The following ARK2C variants were observed in gnomAD, a reference collection of about 807,000 sequenced individuals.
ARK2C encodes the protein E3 ubiquitin-protein ligase ARK2C.
At chr18:46,384,542 C>T in the ARK2C span, among the ~76,000 whole-genome samples, 1 of 152,222 alleles carries the variant, frequency 6.6e-6, no homozygotes, top group East Asian at 1.9e-4. Flanking sequence ...ATGATACACA[C>T]ACCACTTCCA....
chr18:46,335,364 T>A, the ARK2C span: 1 of 152,106 alleles, frequency 6.6e-6, no homozygotes, highest in South Asian at 2.1e-4. Flanking sequence ...AATAGCTTGA[T>A]TTTCCCCTCT....
chr18:46,412,733 A>G, the ARK2C span, among the ~76,000 whole-genome samples: 1 of 152,286 alleles, frequency 6.6e-6, no homozygotes, highest in Admixed American at 6.5e-5. Context: ...AACTCTTAGA[A>G]AATGACAAGG....
chr18:46,450,354 G>A, the ARK2C span: 3 of 1,614,102 alleles, frequency 1.9e-6, no homozygotes, highest in East Asian at 6.7e-5. Flanking sequence ...GCTCTCCAGG[G>A]ACTAAATCCC....
chr18:46,348,231 G>C, the ARK2C span, among the ~76,000 whole-genome samples: 5 of 147,852 alleles, frequency 3.4e-5, no homozygotes, highest in Non-Finnish European at 7.4e-5. Flanking sequence ...CAAGGGGCTG[G>C]GGGGGGTGAG....
chr18:46,420,926 A>G, the ARK2C span, among the ~76,000 whole-genome samples: 1 of 152,228 alleles, frequency 6.6e-6, no homozygotes, highest in Non-Finnish European at 1.5e-5. Context: ...TGTTAAAAAT[A>G]TAATAGTAGG....
At chr18:46,342,774 T>C in the ARK2C span, among the ~76,000 whole-genome samples, 3 of 152,330 alleles carry the variant, frequency 2.0e-5, no homozygotes, top group East Asian at 1.9e-4. Flanking sequence ...ATGGAGATGA[T>C]AGAATCACAT....
chr18:46,344,873 T>C, the ARK2C span, among the ~76,000 whole-genome samples: 1 of 152,266 alleles, frequency 6.6e-6, no homozygotes, highest in South Asian at 2.1e-4. Context: ...CTTGGCTTGG[T>C]TCTGTCAGCA....
At chr18:46,422,976 C>T in the ARK2C span, among the ~76,000 whole-genome samples, 1 of 152,238 alleles carries the variant, frequency 6.6e-6, no homozygotes. Context: ...CCCAGATTCT[C>T]CAACTGTTCC....
At chr18:46,374,083 C>G in the ARK2C span, among the ~76,000 whole-genome samples, 2 of 152,106 alleles carry the variant, frequency 1.3e-5, no homozygotes, top group African/African-American at 2.4e-5. Flanking sequence ...ATCCCTGTCC[C>G]CCACCTCCCC....
At chr18:46,393,413 T>G in the ARK2C span, among the ~76,000 whole-genome samples, 1 of 152,154 alleles carries the variant, frequency 6.6e-6, no homozygotes, top group Non-Finnish European at 1.5e-5. Context: ...GAGGCAGGCC[T>G]GAGGGCAGAC....
At chr18:46,353,848 C>T in the ARK2C span, among the ~76,000 whole-genome samples, 2 of 152,188 alleles carry the variant, frequency 1.3e-5, no homozygotes, top group South Asian at 2.1e-4. Flanking sequence ...GATGGAGTAG[C>T]GGGGCCTTGT....
the ARK2C span, among the ~76,000 whole-genome samples, chr18:46,402,749 CT>C: frequency 6.6e-6 from 1 of 152,218 alleles, no homozygotes. Context: ...GATCCTCTGG[CT>C]TTGGCCTCCC....
At chr18:46,402,839 T>C in the ARK2C span, among the ~76,000 whole-genome samples, 1 of 152,192 alleles carries the variant, frequency 6.6e-6, no homozygotes, top group African/African-American at 2.4e-5. Flanking sequence ...AATCCTGAAG[T>C]CACCCCTCTT....
chr18:46,371,236 T>C, the ARK2C span, among the ~76,000 whole-genome samples: 1 of 152,088 alleles, frequency 6.6e-6, no homozygotes, highest in Non-Finnish European at 1.5e-5. Context: ...GTGAGGATTA[T>C]TACAATTCAA....
the ARK2C span, chr18:46,334,400 C>A: frequency 2.1e-6 from 3 of 1,422,138 alleles, no homozygotes; most frequent in African/African-American, 1.5e-5. This position sits in a 1 kb window ranked among gnomAD's most constrained non-coding sequence, Gnocchi z 4.4. Context: ...GGGGCGGGGG[C>A]GGGCGCCGCG....
the ARK2C span, among the ~76,000 whole-genome samples, chr18:46,370,588 CTA>C: frequency 6.6e-6 from 1 of 152,214 alleles, no homozygotes; most frequent in African/African-American, 2.4e-5. Flanking sequence ...GCAGTCATCG[CTA>C]TTTGCCACCC....
chr18:46,358,805 C>A, the ARK2C span, among the ~76,000 whole-genome samples: 1 of 152,212 alleles, frequency 6.6e-6, no homozygotes, highest in African/African-American at 2.4e-5. Flanking sequence ...GAGTGACACA[C>A]GCCTTGGTCA....
At chr18:46,449,934 A>G in the ARK2C span, among the ~76,000 whole-genome samples, 6 of 152,184 alleles carry the variant, frequency 3.9e-5, no homozygotes, top group Non-Finnish European at 8.8e-5. Flanking sequence ...CCTTGGTTGC[A>G]TAACTTGAGC....
the ARK2C span, among the ~76,000 whole-genome samples, chr18:46,360,077 A>AC: frequency 6.6e-6 from 1 of 152,094 alleles, no homozygotes; most frequent in Non-Finnish European, 1.5e-5. Flanking sequence ...GATGAGGAGC[A>AC]CTCTAGGTCC....
Sources: allele counts gnomAD v4.1 joint callset (sites outside exome capture counted in the v4.1 genomes callset), GRCh38; gene constraint gnomAD v4.1.1; non-coding constraint Gnocchi (gnomAD v3.1); transcripts MANE v1.5; gene names NCBI Gene and HGNC (gene_info 2026-07-23, HGNC 2026-07-21).